The following ACACB variants were observed in gnomAD, a reference collection of about 807,000 sequenced individuals.
ACACB encodes the protein acetyl-CoA carboxylase beta.
Under a neutral mutation model 278.8 loss-of-function variants are expected in ACACB, and 209 were observed. That is an observed-to-expected ratio of 0.75 (90% confidence interval 0.67 to 0.84). The LOEUF is 0.84. ACACB is among the 40% of genes least tolerant of loss of function. ACACB has a pLI of 0.00. For missense variants in ACACB, 2,850 were observed against 3,269.0 expected, an observed-to-expected ratio of 0.87 and a Z score of 3.13; for synonymous variants, 1,174 against 1,285.6, an observed-to-expected ratio of 0.91 and a Z score of 1.86.
At chr12:109,145,725 G>A (rs1318272854) in intron 2 of ACACB, among the ~76,000 whole-genome samples, 1 of 152,022 alleles carries the variant, frequency 6.6e-6, no homozygotes, top group Non-Finnish European at 1.5e-5. Context: ...TTGAGGCCAG[G>A]CACGGCAGGT....
In ACACB at chr12:109,266,279, T is replaced by C; in HGVS notation, c.7294T>C (p.Tyr2432His). 6.2e-7 allele frequency: 1 copy of C among 1,613,904 alleles called. No homozygotes were observed. Among genetic ancestry groups the C allele is most frequent in the East Asian group, 2.2e-5 (1 of 44,868 alleles). ...CGAGGTGGCCGTGGACTGTGTGATATACCTGAGCCAGCACATCAGCCCAGC... is the reference window on the plus strand; with the variant it reads ...CGAGGTGGCCGTGGACTGTGTGATACACCTGAGCCAGCACATCAGCCCAGC... ...NPEVAVDCVI[Y>H]LSQHISPAER... Residue 2432 changes from tyrosine (Y) to histidine (H), a missense_variant, in exon 53 of 53, where the codon TAC (tyrosine) becomes CAC (histidine). By Grantham distance (83) the Tyr-to-His change is moderately conservative (BLOSUM62 2). Coordinates refer to ENST00000338432, the MANE Select transcript of ACACB (RefSeq NM_001093.4).
At chr12:109,188,340 T>G (rs950783182) in intron 13 of ACACB, among the ~76,000 whole-genome samples, 178 bp downstream of exon 13, 12 of 147,496 alleles carry the variant, frequency 8.1e-5, no homozygotes, top group African/African-American at 1.3e-4. Flanking sequence ...TCCATTGCCT[T>G]CCTGCCTTCC....
Position 109,169,744 on chromosome 12 carries a change from C to T in ACACB, c.925+1710C>T, listed in dbSNP as rs1593455956. On this transcript the variant is annotated intron_variant, in intron 4 of 52. Transcript: ENST00000338432. ...TCATTTATTTTCTTCCCAGCACTGA[C>T]CGGAGTCTGTAGTTATTGTGTTTAT... Among the ~76,000 whole-genome samples the T allele has an allele frequency of 1.3e-5, 2 of 152,172 alleles. 1 individual carries two copies. Among genetic ancestry groups the T allele is most frequent in the East Asian group, 3.9e-4 (2 of 5,190 alleles).
Position 109,171,810 on chromosome 12 carries a change from A to G in ACACB, c.931A>G (p.Ile311Val). 1.9e-6 allele frequency: 3 copies of G among 1,613,246 alleles called. No homozygotes were observed. Among genetic ancestry groups the G allele is most frequent in the Non-Finnish European group, 2.5e-6 (3 of 1,179,186 alleles). Residue 311 changes from isoleucine (I) to valine (V), a missense_variant, in exon 5 of 53, where the codon ATC becomes GTC. Physicochemically the swap from Ile to Val is conservative, Grantham distance 29 (BLOSUM62 3). This residue lies in a region of ACACB where 2,265 missense variants were observed against 2,561.3 expected (regional missense o/e 0.88). Transcript: ENST00000338432. Reference protein sequence around the residue: ...PEDLKANAEYIKMADHYVPVP... With the variant: ...PEDLKANAEYVKMADHYVPVP... Reference sequence around the variant, plus strand: ...TCCCTCCCATTTAATTTCAGAGTACATCAAGATGGCGGATCATTACGTCCC... The same window carrying G: ...TCCCTCCCATTTAATTTCAGAGTACGTCAAGATGGCGGATCATTACGTCCC...
chr12:109,179,024 A>G, intron 9 of ACACB, 64 bp from the exon 10 acceptor site: 1 of 1,495,084 alleles, frequency 6.7e-7, no homozygotes, highest in Non-Finnish European at 9.2e-7. Flanking sequence ...TCTCCTGAGA[A>G]CTTCCAGAAG....
At chr12:109,210,048 T>C (rs563514328) in intron 21 of ACACB, among the ~76,000 whole-genome samples, 1 of 126,106 alleles carries the variant, frequency 7.9e-6, no homozygotes, top group South Asian at 2.4e-4. Flanking sequence ...TATGTGTATA[T>C]ATACACACAC....
At chr12:109,219,680 C>T (rs982206436) in intron 24 of ACACB, among the ~76,000 whole-genome samples, 4 of 152,054 alleles carry the variant, frequency 2.6e-5, no homozygotes, top group Non-Finnish European at 5.9e-5. Flanking sequence ...TATGTGTATG[C>T]GCACGTACGT....
At chr12:109,132,397 T>G (rs2042851246) in intron 1 of ACACB, among the ~76,000 whole-genome samples, 1 of 152,144 alleles carries the variant, frequency 6.6e-6, no homozygotes, top group African/African-American at 2.4e-5. Context: ...ACTTCTGACT[T>G]CAGGTGATCC....
intron 18 of ACACB, among the ~76,000 whole-genome samples, chr12:109,200,138 A>G (rs1460549820): frequency 1.3e-5 from 2 of 151,924 alleles, no homozygotes; most frequent in Non-Finnish European, 2.9e-5. Context: ...TCTCTGTACT[A>G]TTTACATAAC....
chr12:109,126,449 G>A (rs961464578), intron 1 of ACACB, among the ~76,000 whole-genome samples: 3 of 152,338 alleles, frequency 2.0e-5, no homozygotes, highest in East Asian at 3.9e-4. Flanking sequence ...TTGGGAGGAA[G>A]AGGTGGGAAG....
intron 12 of ACACB, among the ~76,000 whole-genome samples, chr12:109,187,520 G>A (rs1313656460): frequency 6.6e-6 from 1 of 151,534 alleles, no homozygotes; most frequent in Admixed American, 6.6e-5. Context: ...GAGTGCAGTG[G>A]CGTAGTCATG....
chr12:109,266,230 C>T lies in ACACB; in HGVS notation c.7251-6C>T. The T allele has an allele frequency of 6.2e-7, 1 of 1,612,250 alleles. No homozygotes were observed. The highest frequency in any genetic ancestry group is 8.5e-7 in the Non-Finnish European group (1 of 1,179,212). ...GATCCCAGCCCTCCTCTCACCTCCC[C>T]CACAGCCTGGTTGAAGAAAACCCCG... is the stretch of plus-strand genomic sequence containing the variant. On this transcript the variant is annotated splice_region_variant and splice_polypyrimidine_tract_variant and intron_variant, in intron 52 of 52. Coordinates refer to ENST00000338432, the MANE Select transcript of ACACB (RefSeq NM_001093.4).
chr12:109,242,926 A>T (rs2046841757), intron 37 of ACACB, among the ~76,000 whole-genome samples: 1 of 152,118 alleles, frequency 6.6e-6, no homozygotes, highest in African/African-American at 2.4e-5. Context: ...TGATGTCACC[A>T]CTGCACTCCA....
chr12:109,253,493 C>T (rs941338673), intron 43 of ACACB, among the ~76,000 whole-genome samples: 10 of 152,174 alleles, frequency 6.6e-5, no homozygotes, highest in Non-Finnish European at 1.3e-4. Flanking sequence ...TCCTGCCTTC[C>T]TCCTCGGTAG....
At chr12:109,246,066 C>A in intron 38 of ACACB, 113 bp from the exon 39 acceptor site, 14 of 1,265,162 alleles carry the variant, frequency 1.1e-5, no homozygotes, top group Non-Finnish European at 1.5e-5. Context: ...CTCTGGCCTG[C>A]GCAACAGAGC....
intron 35 of ACACB, 149 bp downstream of exon 35, chr12:109,240,134 A>G (rs1281784167): frequency 3.3e-6 from 3 of 906,794 alleles, no homozygotes; most frequent in South Asian, 1.8e-5. Context: ...GAGGAGAGCA[A>G]ACCTTCTGCC....
chr12:109,239,718 AGGAGG>A, intron 34 of ACACB, 107 bp from the exon 35 acceptor site: 2 of 1,260,958 alleles, frequency 1.6e-6, no homozygotes, highest in South Asian at 3.2e-5. Flanking sequence ...CACTTTTTGG[AGGAGG>A]GGAATGTTTT....
intron 12 of ACACB, among the ~76,000 whole-genome samples, chr12:109,186,186 C>T (rs1037803529): frequency 6.6e-6 from 1 of 152,222 alleles, no homozygotes; most frequent in African/African-American, 2.4e-5. Context: ...CCGCCTCGGC[C>T]TCCCAAAGTG....
chr12:109,150,934 ACTTTTTCTTTTT>A (rs752051295), intron 2 of ACACB, among the ~76,000 whole-genome samples: 1 of 149,222 alleles, frequency 6.7e-6, no homozygotes, highest in Non-Finnish European at 1.5e-5. Flanking sequence ...TAAAATGTTT[ACTTTTTCTTTTT>A]CTTTTTCTTT....
Sources: allele counts gnomAD v4.1 joint callset (sites outside exome capture counted in the v4.1 genomes callset), GRCh38; gene constraint gnomAD v4.1.1; regional missense constraint gnomAD v4.1.1; transcripts MANE v1.5; gene names NCBI Gene and HGNC (gene_info 2026-07-23, HGNC 2026-07-21).